Variants in FAAH2 observed in about 807,000 individuals in gnomAD.
FAAH2 encodes fatty-acid amide hydrolase 2.
Under a neutral mutation model 36.9 loss-of-function variants are expected in FAAH2, and 60 were observed. The observed-to-expected ratio is 1.63, with a 90% CI of 1.32 to 2.02. The LOEUF is 2.02. Among genes scored for constraint, FAAH2 ranks in the 30% most tolerant of loss-of-function variants. The pLI is 0.00. For missense variants in FAAH2, 689 were observed against 397.5 expected (o/e 1.73, Z -6.23); for synonymous variants, 214 against 143.8 (o/e 1.49, Z -3.49).
At chrX:57,273,439 C>A in the FAAH2 span, among the ~76,000 whole-genome samples, 9 of 111,664 alleles carry the variant, frequency 8.1e-5, no homozygotes, top group East Asian at 2.3e-3. Context: ...ATTCTCCACC[C>A]CAAATCAACA....
At chrX:57,351,454 A>G (rs911558520) in intron 5 of FAAH2, among the ~76,000 whole-genome samples, 1 of 111,193 alleles carries the variant, frequency 9.0e-6, no homozygotes, top group Non-Finnish European at 1.9e-5. Context: ...ACTAATCAAG[A>G]TTACATTTAG....
the FAAH2 span, among the ~76,000 whole-genome samples, chrX:57,268,967 C>T: frequency 9.0e-6 from 1 of 111,404 alleles, no homozygotes; most frequent in Non-Finnish European, 1.9e-5. Flanking sequence ...AATCAAGACC[C>T]ATCAGTATGC....
chrX:57,144,686 C>G, the FAAH2 span, among the ~76,000 whole-genome samples: 1 of 109,942 alleles, frequency 9.1e-6, no homozygotes, highest in African/African-American at 3.3e-5. Flanking sequence ...TCATCCTTTC[C>G]AAGTGTTCCC....
At chrX:57,292,606 G>A (rs1332832371) in intron 2 of FAAH2, 26 bp downstream of exon 2, 7 of 1,142,167 alleles carry the variant, frequency 6.1e-6, no homozygotes, top group Non-Finnish European at 8.3e-6. Flanking sequence ...CTCTCAAGGA[G>A]TCATTTATGG....
At chrX:57,239,907 C>T in the FAAH2 span, among the ~76,000 whole-genome samples, 1 of 111,687 alleles carries the variant, frequency 9.0e-6, no homozygotes, top group African/African-American at 3.2e-5. Flanking sequence ...CTTAAAATGG[C>T]TATTTTGTCT....
chrX:57,284,754 TA>T (rs201077912), upstream of FAAH2, among the ~76,000 whole-genome samples: 29 of 106,870 alleles, frequency 2.7e-4, no homozygotes, highest in Middle Eastern at 4.8e-3. Flanking sequence ...TTTAAGATTG[TA>T]AAAAAAAAAC....
chrX:57,290,414 T>G, intron 1 of FAAH2: 1 of 333,765 alleles, frequency 3.0e-6, no homozygotes, highest in Non-Finnish European at 3.9e-6. Context: ...AACAAACATT[T>G]ACTGAAAACC....
At chrX:57,393,981 A>G in intron 7 of FAAH2, 1 of 771,061 alleles carries the variant, frequency 1.3e-6, no homozygotes. Flanking sequence ...ATATCAGAGA[A>G]CTTTCTCACT....
chrX:57,430,474 C>T (rs1484688527), intron 7 of FAAH2, among the ~76,000 whole-genome samples: 3 of 111,781 alleles, frequency 2.7e-5, no homozygotes, highest in Non-Finnish European at 5.6e-5. Flanking sequence ...TGTAAACTGG[C>T]TCAAGCCTGG....
chrX:57,451,113 T>C (rs1190427326), intron 10 of FAAH2, among the ~76,000 whole-genome samples: 1 of 111,628 alleles, frequency 9.0e-6, no homozygotes, highest in Non-Finnish European at 1.9e-5. Flanking sequence ...GCTAAGATAA[T>C]ATACGAACTG....
At chrX:57,416,850 C>T (rs2055859075) in intron 7 of FAAH2, among the ~76,000 whole-genome samples, 1 of 112,206 alleles carries the variant, frequency 8.9e-6, no homozygotes, top group Non-Finnish European at 1.9e-5. Context: ...CTCTCTGTCA[C>T]TTTCTGGTAC....
At chrX:57,321,420 C>T in intron 3 of FAAH2, among the ~76,000 whole-genome samples, 2 of 109,162 alleles carry the variant, frequency 1.8e-5, no homozygotes. Context: ...ACATTTATAC[C>T]TATGTAAAAA....
chrX:57,336,024 A>G (rs1379762615), intron 4 of FAAH2, among the ~76,000 whole-genome samples: 1 of 111,771 alleles, frequency 8.9e-6, no homozygotes, highest in Non-Finnish European at 1.9e-5. Context: ...ATCTCAAGGC[A>G]GAAGAATTTT....
intron 10 of FAAH2, among the ~76,000 whole-genome samples, chrX:57,456,403 C>T (rs1362561854): frequency 9.0e-6 from 1 of 111,091 alleles, no homozygotes; most frequent in Non-Finnish European, 1.9e-5. Flanking sequence ...AAAAGAACAT[C>T]CAACTCCGAA....
the FAAH2 span, among the ~76,000 whole-genome samples, chrX:57,159,838 C>T: frequency 3.6e-5 from 4 of 111,580 alleles, no homozygotes; most frequent in East Asian, 1.1e-3. Context: ...ATTTCCTTCT[C>T]CTGCCTCATT....
intron 10 of FAAH2, among the ~76,000 whole-genome samples, chrX:57,464,440 AG>A (rs2057013815): frequency 9.1e-6 from 1 of 109,538 alleles, no homozygotes; most frequent in Non-Finnish European, 1.9e-5. Flanking sequence ...AATTTTAAAA[AG>A]AAAGAAAACC....
chrX:57,330,538 T>C, intron 3 of FAAH2, among the ~76,000 whole-genome samples: 1 of 111,258 alleles, frequency 9.0e-6, no homozygotes, highest in East Asian at 2.9e-4. Flanking sequence ...TGCCTCCATT[T>C]GCCTTGTGAT....
chrX:57,250,452 C>T, the FAAH2 span, among the ~76,000 whole-genome samples: 1 of 111,372 alleles, frequency 9.0e-6, no homozygotes, highest in Non-Finnish European at 1.9e-5. Context: ...CTCAATAAAG[C>T]TGTTTAAATA....
chrX:57,190,662 C>T, the FAAH2 span, among the ~76,000 whole-genome samples: 2 of 110,462 alleles, frequency 1.8e-5, no homozygotes, highest in Admixed American at 9.7e-5. Flanking sequence ...CCTCCACCCG[C>T]TCCTTGCACT....
Sources: allele counts gnomAD v4.1 joint callset (sites outside exome capture counted in the v4.1 genomes callset), GRCh38; gene constraint gnomAD v4.1.1; transcripts MANE v1.5; gene names NCBI Gene and HGNC (gene_info 2026-07-23, HGNC 2026-07-21).